Variants in CIRSR observed in about 807,000 individuals in gnomAD.
CIRSR encodes the protein CBF1 (RBPJ) interacting corepressor 1.
At chr2:174,385,861 G>C in the CIRSR span, among the ~76,000 whole-genome samples, 4 of 152,072 alleles carry the variant, frequency 2.6e-5, no homozygotes, top group Non-Finnish European at 5.9e-5. Context: ...TAAATGTAGA[G>C]GGAATGATAG....
the CIRSR span, chr2:174,378,814 G>T: frequency 1.2e-6 from 1 of 816,020 alleles, no homozygotes. Context: ...AAACAAACAA[G>T]CCCCACACAC....
the CIRSR span, among the ~76,000 whole-genome samples, chr2:174,394,166 A>G: frequency 2.0e-3 from 311 of 152,346 alleles, 5 homozygotes; most frequent in African/African-American, 7.0e-3. Flanking sequence ...CTTGTAAGAA[A>G]GCTGATACAT....
At chr2:174,349,692 A>G in the CIRSR span, among the ~76,000 whole-genome samples, 1 of 152,114 alleles carries the variant, frequency 6.6e-6, no homozygotes, top group African/African-American at 2.4e-5. Flanking sequence ...AATTAAATGC[A>G]TCAAGCCAAT....
chr2:174,351,015 T>C, the CIRSR span, among the ~76,000 whole-genome samples: 1 of 152,180 alleles, frequency 6.6e-6, no homozygotes, highest in Non-Finnish European at 1.5e-5. Flanking sequence ...ACAGATAAAA[T>C]GTTTAGAGCA....
At chr2:174,394,718 C>T in the CIRSR span, among the ~76,000 whole-genome samples, 2 of 152,172 alleles carry the variant, frequency 1.3e-5, no homozygotes, top group Non-Finnish European at 2.9e-5. Context: ...AGCAGTATCT[C>T]ATCACCTCAA....
the CIRSR span, among the ~76,000 whole-genome samples, chr2:174,393,337 C>A: frequency 1.3e-5 from 2 of 152,086 alleles, no homozygotes; most frequent in Non-Finnish European, 2.9e-5. Context: ...CATAACAATA[C>A]ACAACAGAGT....
the CIRSR span, among the ~76,000 whole-genome samples, chr2:174,389,240 A>C: frequency 2.6e-4 from 40 of 152,352 alleles, no homozygotes; most frequent in African/African-American, 8.2e-4. Context: ...CTCAGAAAAC[A>C]GGAAGATGTG....
At chr2:174,355,877 A>G in the CIRSR span, among the ~76,000 whole-genome samples, 141 of 152,278 alleles carry the variant, frequency 9.3e-4, 3 homozygotes, top group East Asian at 0.025. Context: ...GAATGCCACA[A>G]ATGGCATAGG....
chr2:174,393,706 C>A, the CIRSR span, among the ~76,000 whole-genome samples: 1 of 149,538 alleles, frequency 6.7e-6, no homozygotes. Context: ...AAAAAAAAAA[C>A]TTTACTGGAG....
chr2:174,380,923 G>T, the CIRSR span: 1 of 868,388 alleles, frequency 1.2e-6, no homozygotes, highest in Non-Finnish European at 1.7e-6. Context: ...ATTGTCACTT[G>T]TAAGAATTCA....
the CIRSR span, among the ~76,000 whole-genome samples, chr2:174,388,735 A>G: frequency 6.6e-6 from 1 of 152,152 alleles, no homozygotes; most frequent in African/African-American, 2.4e-5. Context: ...AAAATTATAT[A>G]TCATGGAGAT....
chr2:174,368,581 G>A, the CIRSR span, among the ~76,000 whole-genome samples: 1 of 152,232 alleles, frequency 6.6e-6, no homozygotes, highest in Admixed American at 6.5e-5. Context: ...CACTTTGGGA[G>A]ACCAAGGCAG....
the CIRSR span, among the ~76,000 whole-genome samples, chr2:174,365,718 C>G: frequency 5.3e-5 from 8 of 152,184 alleles, no homozygotes; most frequent in African/African-American, 1.9e-4. Context: ...TTCACTGTCA[C>G]AAGAACAGCA....
At chr2:174,385,899 C>T in the CIRSR span, among the ~76,000 whole-genome samples, 1 of 152,010 alleles carries the variant, frequency 6.6e-6, no homozygotes, top group Non-Finnish European at 1.5e-5. Flanking sequence ...TAGAACATCA[C>T]AGAAATATAT....
the CIRSR span, among the ~76,000 whole-genome samples, chr2:174,394,170 G>C: frequency 1.3e-5 from 2 of 152,140 alleles, no homozygotes; most frequent in Admixed American, 6.5e-5. Flanking sequence ...TAAGAAAGCT[G>C]ATACATTGAA....
the CIRSR span, chr2:174,349,229 T>C: frequency 2.2e-6 from 2 of 915,382 alleles, no homozygotes; most frequent in South Asian, 3.9e-5. Flanking sequence ...TTTCATCAAC[T>C]GTAAGTTATG....
chr2:174,394,758 T>A, the CIRSR span, among the ~76,000 whole-genome samples: 1 of 152,210 alleles, frequency 6.6e-6, no homozygotes, highest in Non-Finnish European at 1.5e-5. Flanking sequence ...AAAGCTTAGT[T>A]ATTTTCACAA....
chr2:174,393,916 G>A, the CIRSR span, among the ~76,000 whole-genome samples: 1 of 152,060 alleles, frequency 6.6e-6, no homozygotes, highest in Non-Finnish European at 1.5e-5. Context: ...GAATGCTAGA[G>A]GTCACCCCCT....
the CIRSR span, among the ~76,000 whole-genome samples, chr2:174,362,686 C>CAAAAAAA: frequency 2.4e-4 from 5 of 20,676 alleles, 1 homozygote; most frequent in African/African-American, 5.3e-4. Flanking sequence ...GACTCTGCCT[C>CAAAAAAA]AAAAAAAAAA....
Sources: gnomAD v4.1 joint callset for allele counts (sites outside exome capture counted in the v4.1 genomes callset) on GRCh38, gnomAD v4.1.1 for gene constraint, MANE v1.5 for transcripts, NCBI Gene and HGNC (gene_info 2026-07-23, HGNC 2026-07-21) for gene names.